The following GDPD5 variants were observed in gnomAD, a reference collection of about 807,000 sequenced individuals.
GDPD5 encodes glycerophosphodiester phosphodiesterase domain containing 5.
GDPD5 carries 48 observed loss-of-function variants against 75.1 expected under a neutral mutation model. The observed-to-expected ratio is 0.64, with a 90% confidence interval of 0.51 to 0.81. GDPD5 has a LOEUF of 0.81. GDPD5 is among the 40% of genes least tolerant of loss of function. The pLI, the probability that GDPD5 is intolerant of heterozygous loss-of-function variation, is 0.00. For missense variants in GDPD5, 706 were observed against 822.6 expected, an observed-to-expected ratio of 0.86 and a Z score of 1.73; for synonymous variants, 336 against 339.0, an observed-to-expected ratio of 0.99 and a Z score of 0.10.
At chr11:75,499,647 T>A (rs566571709) in intron 1 of GDPD5, among the ~76,000 whole-genome samples, 11 of 152,206 alleles carry the variant, frequency 7.2e-5, no homozygotes, top group Non-Finnish European at 1.0e-4. Flanking sequence ...TGGAGCAGGG[T>A]TGAACAAGTT....
chr11:75,449,472 C>T (rs1363962986), intron 8 of GDPD5, 45 bp downstream of exon 8: 1 of 1,515,718 alleles, frequency 6.6e-7, no homozygotes. Flanking sequence ...CTGGTCTTGG[C>T]ACCTGCAGGG....
At chr11:75,475,750 G>T (rs936801258) in intron 3 of GDPD5, among the ~76,000 whole-genome samples, 4 of 152,148 alleles carry the variant, frequency 2.6e-5, no homozygotes, top group African/African-American at 9.7e-5. Flanking sequence ...CTGCCACCCA[G>T]AGCTGCTGTA....
intron 3 of GDPD5, among the ~76,000 whole-genome samples, 193 bp from the exon 4 acceptor site, chr11:75,463,082 G>C (rs1296219089): frequency 6.6e-6 from 1 of 152,240 alleles, no homozygotes; most frequent in African/African-American, 2.4e-5. Flanking sequence ...CAAGCCCAAA[G>C]TCACAGAAAG....
At position 75,439,926 on chromosome 11, in the gene GDPD5, G is replaced by C. The variant is rs115438239; in HGVS notation, c.1509C>G (p.Ala503=). The C allele has an allele frequency of 6.2e-7, 1 of 1,613,866 alleles. No individual in the cohort carries two copies. Among genetic ancestry groups the C allele is most frequent in the Non-Finnish European group, 8.5e-7 (1 of 1,179,942 alleles). Residue 503 remains alanine (A), a synonymous_variant, in exon 15 of 17, where the codon GCC becomes GCG. Transcript: ENST00000336898. ...CGATGAGGGTGAAGGAGACCAGGTC[G>C]GCAGTGACCCACATGAGACAGTACT... The part of the protein sequence containing the change: ...PDEYCLMWVT[A]DLVSFTLIVG...
intron 2 of GDPD5, among the ~76,000 whole-genome samples, chr11:75,481,896 G>C (rs987957782): frequency 1.3e-5 from 2 of 152,102 alleles, no homozygotes; most frequent in African/African-American, 2.4e-5. Context: ...CTTGGTTTCT[G>C]AATCTGTAAA....
chr11:75,511,614 C>T (rs58718643), intron 1 of GDPD5, among the ~76,000 whole-genome samples: 4,072 of 152,168 alleles, frequency 0.027, 83 homozygotes, highest in African/African-American at 0.046. Context: ...TGGGTCCAGG[C>T]GGGACAAGGT....
chr11:75,456,861 G>A (rs1949296519), intron 5 of GDPD5, 45 bp from the exon 6 acceptor site: 1 of 1,595,008 alleles, frequency 6.3e-7, no homozygotes, highest in Non-Finnish European at 8.6e-7. Flanking sequence ...GTGTGGGCGG[G>A]AAGGCTTTGC....
At chr11:75,484,327 G>C (rs1949978688) in intron 2 of GDPD5, among the ~76,000 whole-genome samples, 1 of 152,192 alleles carries the variant, frequency 6.6e-6, no homozygotes, top group South Asian at 2.1e-4. Flanking sequence ...GTTGTGAGGT[G>C]CTGCGAGGTC....
chr11:75,478,845 C>T (rs1949839370), intron 2 of GDPD5, among the ~76,000 whole-genome samples: 2 of 152,188 alleles, frequency 1.3e-5, no homozygotes, highest in African/African-American at 4.8e-5. Context: ...GTCCTAAACC[C>T]ATTTGACAGT....
Position 75,441,277 on chromosome 11 carries a change from G to A in GDPD5, c.1359C>T (p.Leu453=), listed in dbSNP as rs750219895. The change falls in exon 14 of 17, where the codon CTC becomes CTT. Residue 453 remains leucine, a synonymous_variant. Transcript: ENST00000336898. ...AGAGCCACGGTGCGTTGACTGTGTA[G>A]AGGTTCACACTCAGGTTCCAGGACG... ...DYASWNLSVN[L]YTVNAPWLFS... is the part of the protein sequence containing the mutation. 6.2e-7 allele frequency: 1 copy of A among 1,614,152 alleles called. No individual in the cohort carries two copies. The highest frequency in any genetic ancestry group is 8.5e-7 in the Non-Finnish European group (1 of 1,180,012).
At chr11:75,505,154 C>T (rs1412670947) in intron 1 of GDPD5, among the ~76,000 whole-genome samples, 1 of 151,768 alleles carries the variant, frequency 6.6e-6, no homozygotes. Flanking sequence ...AAACCTCTCA[C>T]TCTTGAGGTA....
At chr11:75,460,794 C>G (rs1022556312) in intron 4 of GDPD5, among the ~76,000 whole-genome samples, 2 of 151,944 alleles carry the variant, frequency 1.3e-5, no homozygotes, top group African/African-American at 4.8e-5. Context: ...ATCCTGAACC[C>G]CAGCACTGAC....
chr11:75,466,350 G>C (rs1949515290), intron 3 of GDPD5, among the ~76,000 whole-genome samples: 1 of 152,182 alleles, frequency 6.6e-6, no homozygotes, highest in Non-Finnish European at 1.5e-5. Flanking sequence ...CTGAATGGCA[G>C]GGACTGGAAG....
intron 2 of GDPD5, chr11:75,485,412 G>A (rs968681430): frequency 6.6e-6 from 1 of 152,128 alleles, no homozygotes; most frequent in African/African-American, 2.4e-5. Context: ...GCCAGACTAT[G>A]GGGAGGAGAA....
At chr11:75,494,363 ATG>A (rs1218149167) in intron 1 of GDPD5, among the ~76,000 whole-genome samples, 3 of 151,970 alleles carry the variant, frequency 2.0e-5, no homozygotes. Context: ...GATTACAGGC[ATG>A]TGCCACCATG....
chr11:75,497,154 C>T (rs1170443249), intron 1 of GDPD5, among the ~76,000 whole-genome samples: 1 of 152,180 alleles, frequency 6.6e-6, no homozygotes. Flanking sequence ...CATACTCTTA[C>T]TACCAAGCCA....
chr11:75,518,272 A>G (rs1395095459), intron 1 of GDPD5, among the ~76,000 whole-genome samples: 1 of 152,188 alleles, frequency 6.6e-6, no homozygotes, highest in Non-Finnish European at 1.5e-5. Context: ...GCTGGAACCC[A>G]GGTTAACTGG....
At chr11:75,441,099 G>A (rs1414536240) in intron 14 of GDPD5, 64 bp downstream of exon 14, 16 of 1,523,672 alleles carry the variant, frequency 1.1e-5, no homozygotes, top group Non-Finnish European at 1.5e-5. Context: ...CTTGCCGAGT[G>A]GTCAGGGCAG....
Position 75,435,392 on chromosome 11 carries a change from C to T in GDPD5, c.*115G>A. On this transcript the variant is annotated 3_prime_UTR_variant, in exon 17 of 17. Coordinates refer to ENST00000336898, the MANE Select transcript of GDPD5 (RefSeq NM_030792.8). ...GCGGCTGACAAGGGGCTGGAGCCCA[C>T]AAGGAGGCTGTGGAGCCCGCTCCCA... The T allele has an allele frequency of 1.0e-6, 1 of 1,001,924 alleles. No individual in the cohort carries two copies. The highest frequency in any genetic ancestry group is 1.4e-6 in the Non-Finnish European group (1 of 698,300). The allele number at this position is 1,001,924 out of a possible 1,614,324, so 62.1% of individuals were successfully genotyped here.
Sources: gnomAD v4.1 joint callset for allele counts (sites outside exome capture counted in the v4.1 genomes callset) on GRCh38, gnomAD v4.1.1 for gene constraint, MANE v1.5 for transcripts, NCBI Gene and HGNC (gene_info 2026-07-23, HGNC 2026-07-21) for gene names.